Variants in OTUD7A observed in about 807,000 individuals in gnomAD.
The protein encoded by OTUD7A is OTU domain-containing protein 7A.
Under a neutral mutation model 65.7 loss-of-function variants are expected in OTUD7A, and 12 were observed. The ratio of observed to expected loss-of-function variants is 0.18; its 90% CI spans 0.12 to 0.30. The LOEUF (loss-of-function observed/expected upper bound fraction) is 0.30. Among genes scored for constraint, OTUD7A ranks in the 10% least tolerant of loss-of-function variants. The pLI is 1.00. For missense variants in OTUD7A, 1,148 were observed against 1,304.8 expected, an observed-to-expected ratio of 0.88 and a Z score of 1.85; for synonymous variants, 641 against 586.3, an observed-to-expected ratio of 1.09 and a Z score of -1.35.
intron 10 of OTUD7A, among the ~76,000 whole-genome samples, chr15:31,497,501 C>T (rs141154520): frequency 5.3e-5 from 8 of 152,246 alleles, no homozygotes; most frequent in African/African-American, 1.9e-4. Flanking sequence ...CCACCCACCT[C>T]GGCCTCCCAA....
chr15:31,815,853 C>G (rs995655380), intron 1 of OTUD7A, among the ~76,000 whole-genome samples: 1 of 152,260 alleles, frequency 6.6e-6, no homozygotes, highest in African/African-American at 2.4e-5. Flanking sequence ...CACTCTCTCA[C>G]AAGGACATTT....
chr15:31,557,925 C>T (rs1032941101), intron 5 of OTUD7A: 7 of 152,048 alleles, frequency 4.6e-5, no homozygotes. Flanking sequence ...GATGACACAT[C>T]TGGGGACGTC....
intron 1 of OTUD7A, among the ~76,000 whole-genome samples, chr15:31,755,666 G>A (rs1040408693): frequency 9.2e-5 from 14 of 151,806 alleles, no homozygotes; most frequent in South Asian, 2.1e-4. Flanking sequence ...AGCTTGCAGT[G>A]AGCAGAGATT....
intron 3 of OTUD7A, among the ~76,000 whole-genome samples, chr15:31,597,955 G>C (rs996226512): frequency 2.0e-5 from 3 of 152,144 alleles, no homozygotes; most frequent in African/African-American, 7.2e-5. Flanking sequence ...GGGAACTTTC[G>C]AGTTTTCAGA....
chr15:31,843,281 T>C (rs1231480084), intron 1 of OTUD7A, among the ~76,000 whole-genome samples: 1 of 151,572 alleles, frequency 6.6e-6, no homozygotes, highest in Admixed American at 6.6e-5. Context: ...CATTTTTTTT[T>C]TCTGATCATA....
In OTUD7A at chr15:31,736,666, G is replaced by A. The variant is rs1304442040; in HGVS notation, c.-99-79589C>T. Among the ~76,000 whole-genome samples, 4 of 152,172 alleles carry A rather than the reference G, an allele frequency of 2.6e-5. No individual in the cohort carries two copies. In the East Asian group the frequency reaches 5.8e-4, roughly 22 times the overall value. ...GTTTATTTAACAGACAGAGCTGGCA[G>A]AAAACAAATCTATATCCTCCCACCC... On this transcript the variant is annotated intron_variant, in intron 1 of 12. Transcript: ENST00000307050.
chr15:31,769,798 G>A (rs545112217), intron 1 of OTUD7A, among the ~76,000 whole-genome samples: 23 of 152,256 alleles, frequency 1.5e-4, no homozygotes, highest in African/African-American at 5.1e-4. Context: ...GGTTGCCAGG[G>A]GTTAGTTAGG....
chr15:31,809,395 C>G (rs975055105), intron 1 of OTUD7A, among the ~76,000 whole-genome samples: 1 of 152,190 alleles, frequency 6.6e-6, no homozygotes, highest in Admixed American at 6.5e-5. Flanking sequence ...CTGCGTCTAG[C>G]GTTGGGCAAT....
At chr15:31,667,680 C>A (rs1270111760) in intron 1 of OTUD7A, among the ~76,000 whole-genome samples, 1 of 152,054 alleles carries the variant, frequency 6.6e-6, no homozygotes, top group Non-Finnish European at 1.5e-5. Flanking sequence ...CTATTTGTTG[C>A]CTGTGTACCT....
At chr15:31,854,719 C>T (rs1361391346) in intron 1 of OTUD7A, among the ~76,000 whole-genome samples, 1 of 152,026 alleles carries the variant, frequency 6.6e-6, no homozygotes, top group Non-Finnish European at 1.5e-5. Context: ...GTTCCAATTT[C>T]CTGCCATGCA....
At chr15:31,738,342 G>A (rs1300858632) in intron 1 of OTUD7A, among the ~76,000 whole-genome samples, 1 of 152,144 alleles carries the variant, frequency 6.6e-6, no homozygotes, top group East Asian at 1.9e-4. Context: ...GTAAAGAGGA[G>A]AGGTGAAGAA....
intron 5 of OTUD7A, among the ~76,000 whole-genome samples, chr15:31,549,218 C>T (rs925621295): frequency 6.6e-5 from 10 of 151,878 alleles, no homozygotes; most frequent in Non-Finnish European, 1.0e-4. Flanking sequence ...CATACCAATC[C>T]AAGTGAAATG....
chr15:31,574,601 T>C (rs939591828), intron 3 of OTUD7A, among the ~76,000 whole-genome samples: 13 of 152,178 alleles, frequency 8.5e-5, no homozygotes, highest in African/African-American at 3.1e-4. Flanking sequence ...CATTAAGTAA[T>C]ATGAGGAAAA....
chr15:31,663,000 T>G (rs542405624), intron 1 of OTUD7A, among the ~76,000 whole-genome samples: 2 of 151,934 alleles, frequency 1.3e-5, no homozygotes, highest in Non-Finnish European at 2.9e-5. Context: ...AAATTTTCAG[T>G]TTTTTTTAGT....
chr15:31,778,740 T>A (rs1044051488), intron 1 of OTUD7A, among the ~76,000 whole-genome samples: 26 of 150,418 alleles, frequency 1.7e-4, no homozygotes, highest in South Asian at 4.2e-4. Flanking sequence ...TCTCTCTCTC[T>A]CACACACACA....
chr15:31,570,120 C>A lies in OTUD7A; in HGVS notation c.229G>T (p.Val77Leu). Residue 77 changes from valine to leucine, a missense_variant, in exon 4 of 13, where the codon GTG becomes TTG. By Grantham distance (32) the Val-to-Leu change is conservative (BLOSUM62 1). This residue lies in a region of OTUD7A where 51 missense variants were observed against 46.9 expected (regional missense o/e 1.09). Transcript: ENST00000307050. Reference protein sequence around the residue: ...RQVHTANLPHVFNEGRGPKQP... With the variant: ...RQVHTANLPHLFNEGRGPKQP... ...TTGGGACCCCGCCCTTCATTGAACA[C>A]ATGTGGCAGATTGGCTGTGTGCACC... 1 of 1,614,202 alleles carries A rather than the reference C, an allele frequency of 6.2e-7. No individual in the cohort carries two copies. Among genetic ancestry groups the A allele is most frequent in the Non-Finnish European group, 8.5e-7 (1 of 1,180,034 alleles).
chr15:31,623,814 A>G (rs1338533642), intron 3 of OTUD7A, among the ~76,000 whole-genome samples: 1 of 152,168 alleles, frequency 6.6e-6, no homozygotes, highest in African/African-American at 2.4e-5. Context: ...TGAACCCGGT[A>G]CCTCAGTTGG....
chr15:31,742,029 T>C (rs1894358202), intron 1 of OTUD7A, among the ~76,000 whole-genome samples: 1 of 152,084 alleles, frequency 6.6e-6, no homozygotes, highest in African/African-American at 2.4e-5. Flanking sequence ...AACAGAAAAC[T>C]TGGATAGCCC....
chr15:31,796,142 C>CGCGTGT (rs1654028955), intron 1 of OTUD7A, among the ~76,000 whole-genome samples: 1 of 148,020 alleles, frequency 6.8e-6, no homozygotes, highest in Non-Finnish European at 1.5e-5. Context: ...GTAAGGGGTG[C>CGCGTGT]GTGTGTGTGT....
Sources: allele counts gnomAD v4.1 joint callset (sites outside exome capture counted in the v4.1 genomes callset), GRCh38; gene constraint gnomAD v4.1.1; regional missense constraint gnomAD v4.1.1; transcripts MANE v1.5; gene names NCBI Gene and HGNC (gene_info 2026-07-23, HGNC 2026-07-21).